Variants in ERBB4 observed in about 807,000 individuals in gnomAD.
The protein encoded by ERBB4 is receptor tyrosine-protein kinase erbB-4.
ERBB4 carries 42 observed loss-of-function variants against 158.0 expected under a neutral mutation model. The ratio of observed to expected loss-of-function variants is 0.27; its 90% CI spans 0.21 to 0.34. The LOEUF (loss-of-function observed/expected upper bound fraction) is 0.34. Among genes scored for constraint, ERBB4 ranks in the 10% least tolerant of loss-of-function variants. The pLI is 1.00. For synonymous variants in ERBB4, 583 were observed against 558.7 expected, an observed-to-expected ratio of 1.04 and a Z score of -0.61; for missense variants, 1,333 against 1,624.1, an observed-to-expected ratio of 0.82 and a Z score of 3.08.
At chr2:212,024,638 C>G (rs2076732052) in intron 2 of ERBB4, among the ~76,000 whole-genome samples, 1 of 151,904 alleles carries the variant, frequency 6.6e-6, no homozygotes, top group East Asian at 1.9e-4. Context: ...TACTGACAGT[C>G]TAACAACACC....
intron 2 of ERBB4, among the ~76,000 whole-genome samples, chr2:212,106,107 T>C (rs774072254): frequency 1.3e-5 from 2 of 152,132 alleles, no homozygotes; most frequent in African/African-American, 2.4e-5. Flanking sequence ...GGGGCACTGC[T>C]GAAAAGATAC....
At chr2:211,739,473 T>C (rs749422438) in intron 5 of ERBB4, among the ~76,000 whole-genome samples, 2 of 152,190 alleles carry the variant, frequency 1.3e-5, no homozygotes, top group Non-Finnish European at 2.9e-5. Flanking sequence ...TTTATTTATT[T>C]ATTTATTTTG....
chr2:212,199,828 C>A (rs2082539809), intron 1 of ERBB4, among the ~76,000 whole-genome samples: 1 of 151,808 alleles, frequency 6.6e-6, no homozygotes, highest in South Asian at 2.1e-4. Context: ...CAGAGACAGC[C>A]AATGAACCAA....
chr2:211,793,334 T>C (rs995116946), intron 3 of ERBB4, among the ~76,000 whole-genome samples: 13 of 152,034 alleles, frequency 8.6e-5, no homozygotes, highest in Middle Eastern at 3.4e-3. Flanking sequence ...ATTGTATATC[T>C]AAGTATTTTG....
chr2:211,891,311 G>A (rs1168728076), intron 3 of ERBB4, among the ~76,000 whole-genome samples: 1 of 116,190 alleles, frequency 8.6e-6, no homozygotes, highest in Non-Finnish European at 1.8e-5. Flanking sequence ...TGACTACTGG[G>A]TACATAACGA....
chr2:211,889,020 G>A (rs928201567), intron 3 of ERBB4, among the ~76,000 whole-genome samples: 20 of 145,262 alleles, frequency 1.4e-4, no homozygotes, highest in Admixed American at 2.7e-4. Flanking sequence ...AAAGCAGCCA[G>A]GAAGCTCGAA....
intron 1 of ERBB4, among the ~76,000 whole-genome samples, chr2:212,413,562 G>C (rs1056933806): frequency 6.6e-6 from 1 of 151,940 alleles, no homozygotes; most frequent in Admixed American, 6.6e-5. Context: ...TCTATGGTTT[G>C]TATACCTTAT....
chr2:211,982,831 G>T (rs1453643785), intron 2 of ERBB4, among the ~76,000 whole-genome samples: 2 of 152,088 alleles, frequency 1.3e-5, no homozygotes, highest in African/African-American at 4.8e-5. Context: ...CATATAAAAA[G>T]ATGATTATAA....
chr2:212,231,562 T>C (rs1299765869), intron 1 of ERBB4, among the ~76,000 whole-genome samples: 2 of 152,220 alleles, frequency 1.3e-5, no homozygotes, highest in Non-Finnish European at 2.9e-5. Context: ...ATGGATAACA[T>C]GGACTGCCAA....
chr2:211,908,170 A>G (rs540555081), intron 3 of ERBB4, among the ~76,000 whole-genome samples: 6 of 151,940 alleles, frequency 3.9e-5, no homozygotes, highest in South Asian at 2.1e-4. Flanking sequence ...GAAAGTCCCA[A>G]TGGGCCCTGA....
At chr2:212,053,391 C>A (rs1305458679) in intron 2 of ERBB4, among the ~76,000 whole-genome samples, 2 of 152,148 alleles carry the variant, frequency 1.3e-5, no homozygotes, top group African/African-American at 4.8e-5. Context: ...TCCACCTGGA[C>A]ACATCCTAAA....
intron 2 of ERBB4, among the ~76,000 whole-genome samples, chr2:212,053,850 G>A (rs1431530298): frequency 6.6e-6 from 1 of 152,096 alleles, no homozygotes; most frequent in South Asian, 2.1e-4. Context: ...TTTTTATGAT[G>A]CCAACTTAGG....
In ERBB4 at chr2:211,422,052, C is replaced by T. The variant is rs529158613; in HGVS notation, c.2919G>A (p.Glu973=). 2.5e-6 allele frequency: 4 copies of T among 1,612,624 alleles called. No homozygotes were observed. The South Asian group carries it at 3.3e-5, about 13-fold the overall frequency. ...SRPKFKELAA[E]FSRMARDPQR... is the part of the protein sequence containing the mutation. ...GAGGGTCTCGAGCCATCCTTGAAAA[C>T]TCAGCAGCCAGTTCCTTAAATTTAG... Residue 973 remains glutamate, a synonymous_variant, in exon 24 of 28, where the codon GAG becomes GAA. Coordinates refer to ENST00000342788, the MANE Select transcript of ERBB4 (RefSeq NM_005235.3).
At chr2:211,563,025 C>T (rs2067449281) in intron 19 of ERBB4, among the ~76,000 whole-genome samples, 1 of 152,018 alleles carries the variant, frequency 6.6e-6, no homozygotes, top group Admixed American at 6.6e-5. Context: ...CCCGCCTCGG[C>T]CTCCCAAAGT....
intron 3 of ERBB4, among the ~76,000 whole-genome samples, chr2:211,797,477 T>C (rs916031873): frequency 6.6e-6 from 1 of 151,944 alleles, no homozygotes; most frequent in South Asian, 2.1e-4. Context: ...TTGATGACAG[T>C]AATAATAAAT....
At chr2:211,704,602 C>A (rs1322500226) in intron 10 of ERBB4, among the ~76,000 whole-genome samples, 1 of 152,136 alleles carries the variant, frequency 6.6e-6, no homozygotes, top group African/African-American at 2.4e-5. Context: ...TACGGTAAGT[C>A]CATGTCTGAT....
intron 3 of ERBB4, among the ~76,000 whole-genome samples, chr2:211,797,859 T>A (rs2076415494): frequency 6.6e-6 from 1 of 151,728 alleles, no homozygotes; most frequent in African/African-American, 2.4e-5. Flanking sequence ...CTGGAGAAAA[T>A]CAGGAAGGAA....
At chr2:211,860,713 C>T (rs1265861662) in intron 3 of ERBB4, among the ~76,000 whole-genome samples, 2 of 151,058 alleles carry the variant, frequency 1.3e-5, no homozygotes, top group Admixed American at 6.6e-5. Context: ...GATGATTTCC[C>T]AAACCTTAGG....
intron 3 of ERBB4, among the ~76,000 whole-genome samples, chr2:211,907,402 G>T (rs900362531): frequency 9.3e-5 from 14 of 151,036 alleles, no homozygotes; most frequent in African/African-American, 3.4e-4. Flanking sequence ...GCACTGAAAA[G>T]CATGGCTTTT....
Sources: allele counts gnomAD v4.1 joint callset (sites outside exome capture counted in the v4.1 genomes callset), GRCh38; gene constraint gnomAD v4.1.1; transcripts MANE v1.5; gene names NCBI Gene and HGNC (gene_info 2026-07-23, HGNC 2026-07-21).